ERC1: variants seen among roughly 807,000 people sequenced by gnomAD.
ERC1 encodes the protein ELKS/RAB6-interacting/CAST family member 1, also known as RAB6 interacting protein 2.
Under a neutral mutation model 132.0 loss-of-function variants are expected in ERC1, and 56 were observed. The observed-to-expected ratio is 0.42, with a 90% confidence interval of 0.34 to 0.53. ERC1 has a LOEUF of 0.53. Among genes scored for constraint, ERC1 ranks in the 20% least tolerant of loss-of-function variants. ERC1 has a pLI of 0.03. For synonymous variants in ERC1, 478 were observed against 476.1 expected (o/e 1.00, Z -0.05); for missense variants, 1,202 against 1,349.9 (o/e 0.89, Z 1.72).
At chr12:1,439,382 A>G (rs1167224517) in intron 17 of ERC1, among the ~76,000 whole-genome samples, 1 of 152,228 alleles carries the variant, frequency 6.6e-6, no homozygotes, top group Admixed American at 6.5e-5. Context: ...CCTTTGGAAG[A>G]TTACTGGTCT....
At chr12:1,336,883 C>T (rs991979191) in intron 15 of ERC1, among the ~76,000 whole-genome samples, 1 of 152,064 alleles carries the variant, frequency 6.6e-6, no homozygotes, top group African/African-American at 2.4e-5. Context: ...CTGCAACCTC[C>T]GCCTCACGGG....
At chr12:1,430,494 C>CA (rs1292815207) in intron 17 of ERC1, 1 of 152,422 alleles carries the variant, frequency 6.6e-6, no homozygotes, top group Non-Finnish European at 1.5e-5. Flanking sequence ...TCTCCTGCCT[C>CA]AGCCTCCCGA....
At chr12:1,217,664 C>T (rs1014110652) in intron 12 of ERC1, among the ~76,000 whole-genome samples, 2 of 152,218 alleles carry the variant, frequency 1.3e-5, no homozygotes, top group Non-Finnish European at 2.9e-5. Context: ...CTCTCGTCTC[C>T]ACTCCAATTA....
chr12:1,095,847 G>A (rs187289249), intron 3 of ERC1, among the ~76,000 whole-genome samples: 2 of 152,142 alleles, frequency 1.3e-5, no homozygotes, highest in East Asian at 1.9e-4. Context: ...TGAGCAATGG[G>A]TTTTAAAACG....
At chr12:1,173,897 AG>A (rs1258691437) in intron 8 of ERC1, among the ~76,000 whole-genome samples, 1 of 151,576 alleles carries the variant, frequency 6.6e-6, no homozygotes, top group Non-Finnish European at 1.5e-5. Flanking sequence ...TCAGTGAGTG[AG>A]GGCTCAGCTG....
chr12:1,021,698 C>CAAA (rs1162694084), intron 1 of ERC1, among the ~76,000 whole-genome samples: 6 of 92,198 alleles, frequency 6.5e-5, no homozygotes, highest in African/African-American at 1.2e-4. Context: ...GACTCCGTCT[C>CAAA]AAAAAAAAAA....
At chr12:999,852 C>G (rs1054927052) in intron 1 of ERC1, among the ~76,000 whole-genome samples, 4 of 152,106 alleles carry the variant, frequency 2.6e-5, no homozygotes, top group Non-Finnish European at 5.9e-5. Flanking sequence ...GTCTTGGCCT[C>G]CCAGAGTGCT....
chr12:1,473,827 G>A (rs2093918037), intron 18 of ERC1, among the ~76,000 whole-genome samples: 1 of 152,042 alleles, frequency 6.6e-6, no homozygotes, highest in Non-Finnish European at 1.5e-5. Flanking sequence ...AGTTTTCCCT[G>A]GTACTAAGTG....
At chr12:1,047,065 A>G (rs1490579907) in intron 2 of ERC1, among the ~76,000 whole-genome samples, 2 of 152,216 alleles carry the variant, frequency 1.3e-5, no homozygotes, top group South Asian at 2.1e-4. Context: ...TATGTGACCC[A>G]GTGGATTTTC....
In ERC1 at chr12:1,244,498, GT is replaced by G. The variant is rs769818408; in HGVS notation, c.2487+7597del. On this transcript the variant is annotated intron_variant, in intron 13 of 18. Coordinates refer to ENST00000360905, the MANE Select transcript of ERC1 (RefSeq NM_178040.4). ...TTCATTAAGTGTTTTGTACTTAATGGTTTGTTTGTTTGTTTGTTTGTTTGTT... is the reference window on the plus strand; with the variant it reads ...TTCATTAAGTGTTTTGTACTTAATGGTTGTTTGTTTGTTTGTTTGTTTGTT... The G allele has an allele frequency of 0.013, 1,799 of 135,664 alleles. 35 individuals are homozygous for G. The African/African-American group carries it at 0.26, about 19-fold the overall frequency. The allele number at this position is 135,664 out of a possible 1,614,324, so 8.4% of individuals were successfully genotyped here.
rs545248440 is a variant in ERC1 at position 1,019,243 on chromosome 12, C to T, written c.-156-8505C>T. 8.5e-5 allele frequency among the ~76,000 whole-genome samples: 13 copies of T among 152,294 alleles called. No individual in the cohort carries two copies. In the South Asian group the frequency reaches 2.5e-3, roughly 29 times the overall value. ...GGCTGAAGTTACCTTCCCACCTCAG[C>T]CTCCCAAGTAGTTGGGATTACAGGT... On this transcript the variant is annotated intron_variant, in intron 1 of 18. Coordinates refer to ENST00000360905, the MANE Select transcript of ERC1 (RefSeq NM_178040.4).
chr12:1,139,941 G>A (rs1242883403), intron 7 of ERC1, among the ~76,000 whole-genome samples: 5 of 152,160 alleles, frequency 3.3e-5, no homozygotes, highest in African/African-American at 1.2e-4. Context: ...GATCTTTCCA[G>A]ATTATAATTA....
At chr12:1,126,956 C>T (rs1225485501) in intron 7 of ERC1, among the ~76,000 whole-genome samples, 1 of 136,142 alleles carries the variant, frequency 7.3e-6, no homozygotes. Flanking sequence ...CCACTGCACT[C>T]CAGCCTGGCG....
At chr12:1,254,297 T>TA (rs1017403878) in intron 13 of ERC1, among the ~76,000 whole-genome samples, 3 of 152,112 alleles carry the variant, frequency 2.0e-5, no homozygotes, top group Non-Finnish European at 4.4e-5. Flanking sequence ...TTAAGCAGAG[T>TA]AAAATAGCCA....
intron 15 of ERC1, among the ~76,000 whole-genome samples, chr12:1,301,628 T>C (rs2080408191): frequency 6.6e-6 from 1 of 151,814 alleles, no homozygotes; most frequent in Non-Finnish European, 1.5e-5. Context: ...CATGGACCCA[T>C]AGAGGGGAAC....
intron 15 of ERC1, among the ~76,000 whole-genome samples, chr12:1,296,027 C>G (rs200943448): frequency 1.1e-4 from 12 of 113,070 alleles, no homozygotes; most frequent in African/African-American, 4.4e-4. Flanking sequence ...AAAAAAAAAA[C>G]AACTAAATTC....
chr12:1,000,080 G>A (rs7306671), intron 1 of ERC1, among the ~76,000 whole-genome samples: 14,181 of 152,146 alleles, frequency 0.093, 1,028 homozygotes, highest in African/African-American at 0.2. Context: ...CTTTATTATG[G>A]TGTGCTAAGT....
At chr12:1,054,258 C>T (rs1015692592) in intron 2 of ERC1, among the ~76,000 whole-genome samples, 2 of 152,166 alleles carry the variant, frequency 1.3e-5, no homozygotes, top group Admixed American at 6.5e-5. Flanking sequence ...TAATCAATAA[C>T]TTTCTTCTTC....
intron 15 of ERC1, among the ~76,000 whole-genome samples, chr12:1,367,888 G>A (rs1406213710): frequency 6.6e-6 from 1 of 150,882 alleles, no homozygotes. Context: ...CTAATAATGT[G>A]CATGTTGGTC....
Sources: gnomAD v4.1 joint callset for allele counts (sites outside exome capture counted in the v4.1 genomes callset) on GRCh38, gnomAD v4.1.1 for gene constraint, MANE v1.5 for transcripts, NCBI Gene and HGNC (gene_info 2026-07-23, HGNC 2026-07-21) for gene names.